ZNF160: variants seen among roughly 807,000 people sequenced by gnomAD.
ZNF160 encodes the protein zinc finger protein 160.
ZNF160 carries 9 observed loss-of-function variants against 13.1 expected under a neutral mutation model. That is an observed-to-expected ratio of 0.69 (90% CI 0.41 to 1.20). The LOEUF (loss-of-function observed/expected upper bound fraction) is 1.20, where lower values mean the gene tolerates loss of function less well. Ranked by LOEUF, ZNF160 falls within the 50% of genes most tolerant of loss-of-function variation. The probability of loss-of-function intolerance (pLI) is 0.01; values close to 1 mark genes in which losing one functional copy is unlikely to be tolerated. For synonymous variants in ZNF160, 293 were observed against 333.2 expected (o/e 0.88, Z 1.31); for missense variants, 838 against 988.0 (o/e 0.85, Z 2.04).
At chr19:53,072,102 T>C (rs2084198952) in intron 5 of ZNF160, among the ~76,000 whole-genome samples, 1 of 142,330 alleles carries the variant, frequency 7.0e-6, no homozygotes, top group African/African-American at 2.7e-5. Context: ...TATTTCTTTC[T>C]TTCTTTTTTT....
Position 53,068,603 on chromosome 19 carries a change from G to T in ZNF160, c.1931C>A (p.Thr644Asn). The change falls in exon 6 of 6, where the codon ACT becomes AAT. Residue 644 changes from threonine to asparagine, a missense_variant. Around this residue, in one of 3 missense-constraint regions of ZNF160, gnomAD observed 400 missense variants for 538.9 expected, o/e 0.74. Transcript: ENST00000683776. ...ATTACACTTGTAAGGTTTCTCTCCA[G>T]TATGAATTCGCCGATGAGTTGCAAG... ...SYLATHRRIH[T>N]GEKPYKCNEC... The T allele has an allele frequency of 6.2e-7, 1 of 1,614,120 alleles. No homozygotes were observed. The highest frequency in any genetic ancestry group is 8.5e-7 in the Non-Finnish European group (1 of 1,180,032).
chr19:53,070,202 G>C lies in ZNF160; in HGVS notation c.332C>G (p.Ala111Gly), dbSNP rs182201831. The change falls in exon 6 of 6, where the codon GCA (alanine) becomes GGA (glycine). Residue 111 changes from alanine (A) to glycine (G), a missense_variant. Physicochemically the swap from Ala to Gly is moderately conservative, Grantham distance 60. Around this residue, in one of 3 missense-constraint regions of ZNF160, gnomAD observed 387 missense variants for 402.3 expected, o/e 0.96. Coordinates refer to ENST00000683776, the MANE Select transcript of ZNF160 (RefSeq NM_001322131.2). ...TTCCAACACCACTGTGTGGAATACTGCTTCTGTACTGCTCTTCTCTTTTGG... is the reference window on the plus strand; with the variant it reads ...TTCCAACACCACTGTGTGGAATACTCCTTCTGTACTGCTCTTCTCTTTTGG... The part of the protein sequence containing the change: ...LLPKEKSSTE[A>G]VFHTVVLERH... 2.5e-6 allele frequency: 4 copies of C among 1,613,508 alleles called. No homozygotes were observed. The highest frequency in any genetic ancestry group is 3.4e-6 in the Non-Finnish European group (4 of 1,179,906).
chr19:53,075,344 CCT>C, intron 3 of ZNF160, 161 bp from the exon 4 acceptor site: 1 of 801,398 alleles, frequency 1.2e-6, no homozygotes, highest in Non-Finnish European at 2.0e-6. Context: ...TCTTCATCCC[CCT>C]CTCCTGACAT....
chr19:53,100,941 C>T (rs912988576), intron 1 of ZNF160, among the ~76,000 whole-genome samples: 2 of 150,830 alleles, frequency 1.3e-5, no homozygotes, highest in South Asian at 2.1e-4. Flanking sequence ...CAAGGTCACA[C>T]GAGTGCACTA....
intron 5 of ZNF160, chr19:53,073,307 G>C (rs2084249598): frequency 6.3e-7 from 1 of 1,576,892 alleles, no homozygotes; most frequent in South Asian, 1.1e-5. Flanking sequence ...GATTTTGTTA[G>C]GTGTCTTTAC....
At position 53,070,704 on chromosome 19, in the gene ZNF160, G is replaced by A. The variant is rs1031634332; in HGVS notation, c.272-442C>T. Among the ~76,000 whole-genome samples the A allele has an allele frequency of 2.6e-5, 4 of 152,278 alleles. No homozygotes were observed. The South Asian group carries it at 8.3e-4, about 32-fold the overall frequency. Reference sequence around the variant, plus strand: ...GCTGGAATTACAGGCGTGAGTCACTGTGCCCAGCCAAAAGTAGTATTTTTT... The same window carrying A: ...GCTGGAATTACAGGCGTGAGTCACTATGCCCAGCCAAAAGTAGTATTTTTT... On this transcript the variant is annotated intron_variant, in intron 5 of 5. Coordinates refer to ENST00000683776, the MANE Select transcript of ZNF160 (RefSeq NM_001322131.2).
At chr19:53,084,845 A>T (rs2084768583) in intron 3 of ZNF160, 1 of 152,148 alleles carries the variant, frequency 6.6e-6, no homozygotes, top group African/African-American at 2.4e-5. Flanking sequence ...CTAGCAACAC[A>T]GGAAATGTGC....
intron 4 of ZNF160, 145 bp downstream of exon 4, chr19:53,074,912 G>A: frequency 2.8e-6 from 3 of 1,063,626 alleles, no homozygotes; most frequent in Non-Finnish European, 2.8e-6. Context: ...TAAAGTCCAG[G>A]TTTCCCATGA....
chr19:53,068,164 T>C lies in ZNF160; in HGVS notation c.2370A>G (p.Lys790=), dbSNP rs1229344182. The C allele has an allele frequency of 6.2e-7, 1 of 1,614,056 alleles. No individual in the cohort carries two copies. Among genetic ancestry groups the C allele is most frequent in the East Asian group, 2.2e-5 (1 of 44,896 alleles). ...MAIHTGEKRY[K]CNECGKVFRQ... is the part of the protein sequence containing the mutation. ...TGAAGACCTTGCCACACTCATTACA[T>C]TTGTAACGCTTTTCTCCAGTGTGGA... is the stretch of plus-strand genomic sequence containing the variant. The change falls in exon 6 of 6, where the codon AAA becomes AAG. Residue 790 remains lysine, a synonymous_variant. Coordinates refer to ENST00000683776, the MANE Select transcript of ZNF160 (RefSeq NM_001322131.2).
chr19:53,090,022 C>T (rs182159884), intron 2 of ZNF160, among the ~76,000 whole-genome samples: 7 of 152,162 alleles, frequency 4.6e-5, no homozygotes, highest in Non-Finnish European at 7.4e-5. Flanking sequence ...CCTCTTTCTT[C>T]CCTCATCTTT....
chr19:53,091,002 CCT>C (rs1196496504), intron 2 of ZNF160: 1 of 152,146 alleles, frequency 6.6e-6, no homozygotes, highest in African/African-American at 2.4e-5. Context: ...CTCATGGACA[CCT>C]CTGAATTTAC....
At chr19:53,094,567 C>G (rs1204932376) in intron 1 of ZNF160, among the ~76,000 whole-genome samples, 1 of 152,132 alleles carries the variant, frequency 6.6e-6, no homozygotes, top group Non-Finnish European at 1.5e-5. Flanking sequence ...CTGTCTCCAC[C>G]TGCAAACAAA....
chr19:53,084,295 A>C (rs1226263623), intron 3 of ZNF160, among the ~76,000 whole-genome samples: 2 of 152,224 alleles, frequency 1.3e-5, no homozygotes, highest in Admixed American at 6.5e-5. Flanking sequence ...CATTCATGCC[A>C]AGCCCGCCTT....
chr19:53,069,825 CATG>C lies in ZNF160; in HGVS notation c.706_708del (p.His236del), dbSNP rs753323216. 10 of 1,614,110 alleles carry C rather than the reference CATG, an allele frequency of 6.2e-6. No individual in the cohort carries two copies. The highest frequency in any genetic ancestry group is 7.6e-6 in the Non-Finnish European group (9 of 1,180,028). On this transcript the variant is annotated inframe_deletion, in exon 6 of 6. Coordinates refer to ENST00000683776, the MANE Select transcript of ZNF160 (RefSeq NM_001322131.2). This position sits in a 1 kb window ranked among gnomAD's most constrained non-coding sequence, Gnocchi z 4.4. ...GTGAGTAATGAAAAATGGTTAAGTT[CATG>C]ATATTTTTTAGACCTGTGGGTTTGG...
At chr19:53,094,804 T>G (rs1387236705) in intron 1 of ZNF160, among the ~76,000 whole-genome samples, 1 of 152,190 alleles carries the variant, frequency 6.6e-6, no homozygotes, top group Non-Finnish European at 1.5e-5. Context: ...TAGCTGAAAC[T>G]TTATTTTAGC....
At chr19:53,100,991 A>G (rs2085426947) in intron 1 of ZNF160, among the ~76,000 whole-genome samples, 1 of 148,534 alleles carries the variant, frequency 6.7e-6, no homozygotes, top group Admixed American at 6.7e-5. Flanking sequence ...AAAAAAAATA[A>G]ATAAGGGCCA....
chr19:53,091,276 G>C (rs984544311), intron 2 of ZNF160, 137 bp downstream of exon 2: 2 of 152,352 alleles, frequency 1.3e-5, no homozygotes, highest in Admixed American at 1.3e-4. Context: ...AGGATCGCTT[G>C]AGCCCAGGAG....
chr19:53,074,903 A>T (rs1281081691), intron 4 of ZNF160, among the ~76,000 whole-genome samples, 154 bp downstream of exon 4: 1 of 152,222 alleles, frequency 6.6e-6, no homozygotes, highest in Non-Finnish European at 1.5e-5. Context: ...GGGGAAGATT[A>T]AAGTCCAGGT....
chr19:53,083,061 T>C (rs1326599041), intron 3 of ZNF160, among the ~76,000 whole-genome samples: 1 of 152,120 alleles, frequency 6.6e-6, no homozygotes, highest in African/African-American at 2.4e-5. Flanking sequence ...GGAAAAGGGG[T>C]TGGAACTTCC....
Sources: allele counts gnomAD v4.1 joint callset (sites outside exome capture counted in the v4.1 genomes callset), GRCh38; gene constraint gnomAD v4.1.1; regional missense constraint gnomAD v4.1.1; non-coding constraint Gnocchi (gnomAD v3.1); transcripts MANE v1.5; gene names NCBI Gene and HGNC (gene_info 2026-07-23, HGNC 2026-07-21).